CPLANE1: variants seen among roughly 807,000 people sequenced by gnomAD.
The protein encoded by CPLANE1 is ciliogenesis and planar polarity effector complex subunit 1.
CPLANE1 carries 263 observed loss-of-function variants against 362.5 expected under a neutral mutation model. The observed-to-expected ratio is 0.73, with a 90% CI of 0.66 to 0.80. The LOEUF (loss-of-function observed/expected upper bound fraction) is 0.80. Among genes scored for constraint, CPLANE1 ranks in the 30% least tolerant of loss-of-function variants. CPLANE1 has a pLI of 0.00. For synonymous variants in CPLANE1, 1,212 were observed against 1,302.6 expected, an observed-to-expected ratio of 0.93 and a Z score of 1.50; for missense variants, 3,461 against 3,793.4, an observed-to-expected ratio of 0.91 and a Z score of 2.30.
intron 42 of CPLANE1, among the ~76,000 whole-genome samples, chr5:37,149,299 T>C (rs1014274482): frequency 6.6e-6 from 1 of 152,170 alleles, no homozygotes; most frequent in Non-Finnish European, 1.5e-5. Flanking sequence ...GTCCCTTATA[T>C]AAAATGGTGC....
At chr5:37,221,692 T>C (rs1580852942) in intron 14 of CPLANE1, among the ~76,000 whole-genome samples, 1 of 152,048 alleles carries the variant, frequency 6.6e-6, no homozygotes. Flanking sequence ...CCAAATAAAA[T>C]TGGAATTATT....
intron 21 of CPLANE1, 55 bp from the exon 22 acceptor site, chr5:37,187,897 T>C: frequency 8.2e-7 from 1 of 1,216,428 alleles, no homozygotes; most frequent in Non-Finnish European, 1.2e-6. Flanking sequence ...ACATTAATAT[T>C]ATAACAACTC....
chr5:37,157,914 T>C (rs774054811), intron 39 of CPLANE1, 46 bp from the exon 40 acceptor site: 1 of 590,386 alleles, frequency 1.7e-6, no homozygotes, highest in Non-Finnish European at 2.5e-6. Flanking sequence ...TTCTTTTTAC[T>C]CTATGTGGTC....
rs1040621810 is a variant in CPLANE1 at position 37,137,690 on chromosome 5, C to T, written c.8792+1030G>A. On this transcript the variant is annotated intron_variant, in intron 46 of 52. Transcript: ENST00000651892. ...AAACATGTCCTTCTTCACATAATGG[C>T]GGGAAGGAGAAGAATGAGTGCCCAC... Among the ~76,000 whole-genome samples the T allele has an allele frequency of 6.6e-5, 10 of 152,124 alleles. No individual in the cohort carries two copies. In the East Asian group the frequency reaches 9.6e-4, roughly 15 times the overall value.
At chr5:37,180,822 T>C in intron 27 of CPLANE1, 35 bp downstream of exon 27, 1 of 1,598,972 alleles carries the variant, frequency 6.3e-7, no homozygotes, top group South Asian at 1.1e-5. Context: ...ACTACATGTC[T>C]TATATTGAAA....
At chr5:37,103,809 T>C (rs1757411929), downstream of CPLANE1, among the ~76,000 whole-genome samples, 1 of 152,198 alleles carries the variant, frequency 6.6e-6, no homozygotes, top group African/African-American at 2.4e-5. Context: ...TTTTCTTTCA[T>C]TTTGACCTTG....
chr5:37,183,743 A>G, intron 25 of CPLANE1, 44 bp from the exon 26 acceptor site: 2 of 1,328,434 alleles, frequency 1.5e-6, no homozygotes, highest in Non-Finnish European at 1.0e-6. Context: ...AGATCATTTA[A>G]TCACTAAAAC....
rs1363054900 is a variant in CPLANE1 at position 37,183,605 on chromosome 5, C to A, written c.4576G>T (p.Asp1526Tyr). 1.2e-6 allele frequency: 2 copies of A among 1,612,318 alleles called. No homozygotes were observed. Among genetic ancestry groups the A allele is most frequent in the African/African-American group, 2.7e-5 (2 of 74,850 alleles). The stretch of plus-strand genomic sequence containing the variant: ...GTATTTTGTGATAACTTTTCATGAT[C>A]TTCTTTCTTTGTAGGATTTTCTTTC... ...NQKENPTKKE[D>Y]HEKLSQNTLP... The change falls in exon 26 of 53, where the codon GAT becomes TAT. Residue 1526 changes from aspartate (D) to tyrosine (Y), a missense_variant. By Grantham distance (160) the Asp-to-Tyr change is radical. Around this residue, in one of 2 missense-constraint regions of CPLANE1, gnomAD observed 3,380 missense variants for 3,666.1 expected, o/e 0.92. Transcript: ENST00000651892.
the CPLANE1 span, among the ~76,000 whole-genome samples, chr5:37,088,063 C>CCTAT: frequency 1.3e-5 from 2 of 152,320 alleles, no homozygotes; most frequent in African/African-American, 4.8e-5. Flanking sequence ...GATCCCCAGG[C>CCTAT]CTATGCTCAA....
chr5:37,187,596 C>A (rs1784412502), intron 22 of CPLANE1, 24 bp from the exon 23 acceptor site: 1 of 1,591,662 alleles, frequency 6.3e-7, no homozygotes, highest in South Asian at 1.1e-5. Flanking sequence ...GAAAAACATT[C>A]ATTTCCTTTT....
intron 25 of CPLANE1, 53 bp from the exon 26 acceptor site, chr5:37,183,752 A>G: frequency 8.0e-7 from 1 of 1,253,060 alleles, no homozygotes; most frequent in Non-Finnish European, 1.1e-6. Flanking sequence ...AATCACTAAA[A>G]CTGATCTTAG....
At chr5:37,188,170 C>CT (rs960163219) in intron 21 of CPLANE1, among the ~76,000 whole-genome samples, 1 of 151,796 alleles carries the variant, frequency 6.6e-6, no homozygotes, top group African/African-American at 2.4e-5. Flanking sequence ...TTGCAACTAG[C>CT]TTTTTTTTCA....
intron 50 of CPLANE1, among the ~76,000 whole-genome samples, chr5:37,115,521 A>C (rs995166739): frequency 6.6e-6 from 1 of 152,054 alleles, no homozygotes; most frequent in African/African-American, 2.4e-5. Context: ...CAAATAACTT[A>C]TCTGAGGGCA....
At chr5:37,082,906 C>A in the CPLANE1 span, among the ~76,000 whole-genome samples, 2 of 152,102 alleles carry the variant, frequency 1.3e-5, no homozygotes, top group African/African-American at 2.4e-5. Flanking sequence ...CAGCTCCGAT[C>A]AGATGGACAG....
At chr5:37,243,772 A>G (rs942835171) in intron 5 of CPLANE1, among the ~76,000 whole-genome samples, 15 of 147,124 alleles carry the variant, frequency 1.0e-4, no homozygotes, top group Non-Finnish European at 1.6e-4. Flanking sequence ...TAATATATAC[A>G]TGTTATATAC....
intron 12 of CPLANE1, among the ~76,000 whole-genome samples, chr5:37,226,054 C>G (rs1796411708): frequency 6.6e-6 from 1 of 151,674 alleles, no homozygotes; most frequent in African/African-American, 2.4e-5. Context: ...TGTTTTGAAA[C>G]GTACTTAAAT....
intron 28 of CPLANE1, among the ~76,000 whole-genome samples, 159 bp downstream of exon 28, chr5:37,179,858 C>T (rs1052400554): frequency 2.0e-5 from 3 of 152,034 alleles, no homozygotes; most frequent in African/African-American, 7.2e-5. Context: ...AGTTAATATG[C>T]TCAATATTTC....
intron 43 of CPLANE1, 93 bp from the exon 44 acceptor site, chr5:37,142,573 C>A (rs536562098): frequency 8.3e-5 from 64 of 770,192 alleles, no homozygotes; most frequent in Admixed American, 3.1e-4. Flanking sequence ...AACTGGCAAC[C>A]CAGATATTAG....
At chr5:37,077,110 C>T in the CPLANE1 span, among the ~76,000 whole-genome samples, 1 of 152,080 alleles carries the variant, frequency 6.6e-6, no homozygotes, top group African/African-American at 2.4e-5. Context: ...ACTTTGCAGA[C>T]CTCTGCTCTA....
Sources: allele counts gnomAD v4.1 joint callset (sites outside exome capture counted in the v4.1 genomes callset), GRCh38; gene constraint gnomAD v4.1.1; regional missense constraint gnomAD v4.1.1; transcripts MANE v1.5; gene names NCBI Gene and HGNC (gene_info 2026-07-23, HGNC 2026-07-21).